Variants in INTU observed in about 807,000 individuals in gnomAD.
The protein encoded by INTU is protein inturned.
In INTU, 68 loss-of-function variants were observed where a neutral mutation model predicts 100.5. The observed-to-expected ratio is 0.68, with a 90% confidence interval of 0.56 to 0.83. INTU has a LOEUF of 0.83. Ranked by LOEUF, INTU falls within the 40% of genes least tolerant of loss-of-function variation. The probability of loss-of-function intolerance (pLI) is 0.00; values close to 1 mark genes in which losing one functional copy is unlikely to be tolerated. For synonymous variants in INTU, 357 were observed against 395.7 expected, an observed-to-expected ratio of 0.90 and a Z score of 1.16; for missense variants, 1,071 against 1,114.7, an observed-to-expected ratio of 0.96 and a Z score of 0.56.
chr4:127,681,879 T>A (rs1464757546), intron 6 of INTU, among the ~76,000 whole-genome samples: 1 of 151,928 alleles, frequency 6.6e-6, no homozygotes, highest in Non-Finnish European at 1.5e-5. Context: ...ATATCCAGAA[T>A]CTACAATGAA....
chr4:127,633,170 A>T lies in INTU; in HGVS notation c.136A>T (p.Ser46Cys). The change falls in exon 1 of 16, where the codon AGC becomes TGC. Residue 46 changes from serine to cysteine, a missense_variant. By Grantham distance (112) the Ser-to-Cys change is moderately radical. Transcript: ENST00000335251. Reference protein sequence around the residue: ...SDSGSYSSASSDYDDLEPEWL... With the variant: ...SDSGSYSSASCDYDDLEPEWL... The stretch of plus-strand genomic sequence containing the variant: ...CTCGGGTTCATATTCCTCAGCGAGT[A>T]GCGATTATGAGTAAGGTTTTCAAAG... The T allele has an allele frequency of 6.2e-7, 1 of 1,613,546 alleles. No individual in the cohort carries two copies. The highest frequency in any genetic ancestry group is 1.1e-5 in the South Asian group (1 of 91,030).
At chr4:127,639,933 A>G (rs1727237724) in intron 1 of INTU, among the ~76,000 whole-genome samples, 1 of 152,128 alleles carries the variant, frequency 6.6e-6, no homozygotes, top group African/African-American at 2.4e-5. Context: ...ACTCGGAACT[A>G]TTCCTCTGGA....
chr4:127,725,132 TA>T lies in INTU; in HGVS notation c.*8721del, dbSNP rs763050553. 17,021 of 79,378 alleles carry T rather than the reference TA, an allele frequency of 0.21. 1,998 individuals carry two copies. Among genetic ancestry groups the T allele is most frequent in the African/African-American group, 0.42 (9,775 of 23,536 alleles). 4.9% of individuals were successfully genotyped at this position (79,378 alleles called of 1,614,324 possible). On this transcript the variant is annotated 3_prime_UTR_variant, in exon 16 of 16. Transcript: ENST00000335251. Reference sequence around the variant, plus strand: ...GAAACCCTGTCTCTACTAAAAATACTAAAAAAAAAAAAAAAAAAAAAAAAAT... The same window carrying T: ...GAAACCCTGTCTCTACTAAAAATACTAAAAAAAAAAAAAAAAAAAAAAAAT...
intron 6 of INTU, 110 bp from the exon 7 acceptor site, chr4:127,684,299 C>T (rs1365768719): frequency 1.5e-6 from 1 of 653,578 alleles, no homozygotes; most frequent in African/African-American, 1.9e-5. Context: ...AGAGTTGACA[C>T]ACATACTTTT....
At chr4:127,704,835 C>T (rs1730807674) in intron 10 of INTU, among the ~76,000 whole-genome samples, 1 of 151,990 alleles carries the variant, frequency 6.6e-6, no homozygotes, top group Admixed American at 6.6e-5. Flanking sequence ...CACCTGTAAT[C>T]CCATCACTTT....
chr4:127,658,577 C>G (rs1360607556), intron 3 of INTU, among the ~76,000 whole-genome samples: 2 of 152,154 alleles, frequency 1.3e-5, no homozygotes, highest in Non-Finnish European at 2.9e-5. Flanking sequence ...TGAGGGATCC[C>G]CTTTTCTTGC....
chr4:127,636,721 G>T (rs1405012159), intron 1 of INTU, among the ~76,000 whole-genome samples: 3 of 151,630 alleles, frequency 2.0e-5, no homozygotes, highest in African/African-American at 7.3e-5. Context: ...ACTCAATGAT[G>T]TGTAGAAATG....
In INTU at chr4:127,674,921, G is replaced by A. The variant is rs139519295; in HGVS notation, c.1181+708G>A. 3.5e-3 allele frequency among the ~76,000 whole-genome samples: 528 copies of A among 152,242 alleles called. 4 individuals are homozygous for A. Among genetic ancestry groups the A allele is most frequent in the African/African-American group, 0.012 (487 of 41,546 alleles). On this transcript the variant is annotated intron_variant, in intron 6 of 15. Transcript: ENST00000335251. Reference sequence around the variant, plus strand: ...AGGGTTCAGTAACTTGCCAAAGCTCGCATAATCAGCAAGAGGCAGGATTGG... The same window carrying A: ...AGGGTTCAGTAACTTGCCAAAGCTCACATAATCAGCAAGAGGCAGGATTGG...
rs528228817 is a variant in INTU, at chr4:127,679,419, C to T, written c.1182-4990C>T. 3.3e-5 allele frequency among the ~76,000 whole-genome samples: 5 copies of T among 152,290 alleles called. No homozygotes were observed. In the East Asian group the frequency reaches 5.8e-4, roughly 18 times the overall value. On this transcript the variant is annotated intron_variant, in intron 6 of 15. Transcript: ENST00000335251. ...ACAAACTGTCTCTCAGACCACAGTGCAATCAAACTACAACTCAGGATTAAG... is the reference window on the plus strand; with the variant it reads ...ACAAACTGTCTCTCAGACCACAGTGTAATCAAACTACAACTCAGGATTAAG...
In INTU at chr4:127,663,230, C is replaced by A. The variant is rs192407858; in HGVS notation, c.769-151C>A. 1.4e-3 allele frequency: 859 copies of A among 592,866 alleles called. 2 individuals carry two copies. The highest frequency in any genetic ancestry group is 2.3e-3 in the Non-Finnish European group (760 of 333,420). 36.7% of individuals were successfully genotyped at this position (592,866 alleles called of 1,614,324 possible). A position where few individuals can be genotyped will look rare whatever the true frequency, so the allele number is the denominator to read the frequency against. On this transcript the variant is annotated intron_variant, in intron 3 of 15. Coordinates refer to ENST00000335251, the MANE Select transcript of INTU (RefSeq NM_015693.4). ...CGAAGATACAAATATAAATAGAATA[C>A]GTAGTCCCAGCCATCAGGAGCACTC... is the stretch of plus-strand genomic sequence containing the variant.
At chr4:127,646,796 A>G (rs1195928549) in intron 2 of INTU, among the ~76,000 whole-genome samples, 1 of 152,166 alleles carries the variant, frequency 6.6e-6, no homozygotes, top group Non-Finnish European at 1.5e-5. Flanking sequence ...GTGCCCACAT[A>G]TTATAGACGA....
At chr4:127,679,991 C>CT (rs1227027553) in intron 6 of INTU, among the ~76,000 whole-genome samples, 2 of 152,218 alleles carry the variant, frequency 1.3e-5, no homozygotes, top group Admixed American at 6.5e-5. Context: ...TGCAAATAAA[C>CT]TAGAAAATCT....
At position 127,656,688 on chromosome 4, in the gene INTU, G is replaced by C; in HGVS notation, c.735G>C (p.Glu245Asp). Residue 245 changes from glutamate (E) to aspartate (D), a missense_variant, in exon 3 of 16, where the codon GAG becomes GAC. Transcript: ENST00000335251. ...NDVDVTTENI[E>D]RVLSCIPGPM... ...TCGATGTTACTACTGAAAACATCGAGAGAGTTCTGTCTTGCATTCCTGGAC... is the reference window on the plus strand; with the variant it reads ...TCGATGTTACTACTGAAAACATCGACAGAGTTCTGTCTTGCATTCCTGGAC... The C allele has an allele frequency of 6.2e-7, 1 of 1,610,862 alleles. No homozygotes were observed.
chr4:127,647,072 T>G (rs1345780825), intron 2 of INTU, among the ~76,000 whole-genome samples: 1 of 152,202 alleles, frequency 6.6e-6, no homozygotes, highest in Admixed American at 6.5e-5. Flanking sequence ...TGATTTATTT[T>G]TTTCCTAACT....
intron 4 of INTU, among the ~76,000 whole-genome samples, chr4:127,667,424 C>T (rs1728745795): frequency 6.6e-6 from 1 of 152,068 alleles, no homozygotes; most frequent in Non-Finnish European, 1.5e-5. Flanking sequence ...GAATAGAGAC[C>T]TTCTCAAAAG....
chr4:127,667,939 A>G (rs1316163927), intron 4 of INTU, among the ~76,000 whole-genome samples: 1 of 152,068 alleles, frequency 6.6e-6, no homozygotes, highest in Admixed American at 6.6e-5. Context: ...GTAATTATTT[A>G]TTGTATAGCG....
At chr4:127,692,748 A>G (rs1177852132) in intron 8 of INTU, among the ~76,000 whole-genome samples, 3 of 152,082 alleles carry the variant, frequency 2.0e-5, no homozygotes, top group Non-Finnish European at 4.4e-5. Flanking sequence ...ATCCATCTTG[A>G]GTTGATTTTT....
intron 13 of INTU, among the ~76,000 whole-genome samples, chr4:127,709,594 G>A (rs1484671727): frequency 2.0e-5 from 3 of 152,030 alleles, no homozygotes; most frequent in Admixed American, 6.6e-5. Flanking sequence ...GTGGTGACAC[G>A]CAGGTCTGCC....
chr4:127,700,067 A>T lies in INTU; in HGVS notation c.1503+4A>T. ...GGCTGCAGATTTTGCAGAACTGGTA[A>T]GGGAAGGAGTGGATTTTATAAAAGG... On this transcript the variant is annotated splice_donor_region_variant and intron_variant, in intron 9 of 15. Coordinates refer to ENST00000335251, the MANE Select transcript of INTU (RefSeq NM_015693.4). The T allele has an allele frequency of 6.2e-7, 1 of 1,601,824 alleles. No individual in the cohort carries two copies. The highest frequency in any genetic ancestry group is 2.3e-5 in the East Asian group (1 of 44,402).
Sources: allele counts gnomAD v4.1 joint callset (sites outside exome capture counted in the v4.1 genomes callset), GRCh38; gene constraint gnomAD v4.1.1; transcripts MANE v1.5; gene names NCBI Gene and HGNC (gene_info 2026-07-23, HGNC 2026-07-21).